The following CPS1 variants were observed in gnomAD, a reference collection of about 807,000 sequenced individuals.
CPS1 encodes carbamoyl-phosphate synthase [ammonia], mitochondrial.
A neutral mutation model predicts 174.6 loss-of-function variants in CPS1; 109 were observed. The ratio of observed to expected loss-of-function variants is 0.62; its 90% CI spans 0.53 to 0.73. CPS1 has a LOEUF of 0.73. Ranked by LOEUF, CPS1 falls within the 30% of genes least tolerant of loss-of-function variation. The pLI, the probability that CPS1 is intolerant of heterozygous loss-of-function variation, is 0.00. For synonymous variants in CPS1, 637 were observed against 632.0 expected (o/e 1.01, Z -0.12); for missense variants, 1,689 against 1,821.9 (o/e 0.93, Z 1.33).
At chr2:210,481,283 G>T (rs1163891664) in intron 1 of CPS1, among the ~76,000 whole-genome samples, 1 of 152,172 alleles carries the variant, frequency 6.6e-6, no homozygotes, top group East Asian at 1.9e-4. Flanking sequence ...AAAAAGAAAA[G>T]GAGACTTCCC....
At chr2:210,550,943 T>G (rs1425319661) in intron 1 of CPS1, among the ~76,000 whole-genome samples, 1 of 151,938 alleles carries the variant, frequency 6.6e-6, no homozygotes, top group Non-Finnish European at 1.5e-5. Flanking sequence ...TATTCAATAT[T>G]TAGCTTTTTA....
intron 37 of CPS1, 45 bp from the exon 38 acceptor site, chr2:210,677,842 C>A (rs1328133582): frequency 2.1e-6 from 3 of 1,427,138 alleles, no homozygotes; most frequent in South Asian, 2.3e-5. Context: ...TAAAAATTCA[C>A]TTTTATCTCA....
rs917721736 is a variant in CPS1, at chr2:210,672,456, T to C, written c.4102-2446T>C. ...TCCATATTAGGGGTATTTAACAACA[T>C]TTGGAAGTTCATTTTGGACATTTCA... On this transcript the variant is annotated intron_variant, in intron 34 of 37. Transcript: ENST00000233072. 5.3e-5 allele frequency: 8 copies of C among 152,170 alleles called. 1 individual carries two copies. The highest frequency in any genetic ancestry group is 1.9e-4 in the African/African-American group (8 of 41,442). The allele number at this position is 152,170 out of a possible 1,614,324, so 9.4% of individuals were successfully genotyped here. A position where few individuals can be genotyped will look rare whatever the true frequency, so the allele number is the denominator to read the frequency against.
At chr2:210,573,615 A>G (rs193140043) in intron 2 of CPS1, among the ~76,000 whole-genome samples, 1 of 152,198 alleles carries the variant, frequency 6.6e-6, no homozygotes, top group South Asian at 2.1e-4. Context: ...GAAAGACAAC[A>G]TGGGCACACT....
In CPS1 at chr2:210,526,641, A is replaced by C. The variant is rs145970919; in HGVS notation, c.4-30078A>C. Among the ~76,000 whole-genome samples, 179 of 151,970 alleles carry C rather than the reference A, an allele frequency of 1.2e-3. 2 individuals are homozygous for C. The East Asian group carries it at 0.028, about 24-fold the overall frequency. The stretch of plus-strand genomic sequence containing the variant: ...CTCACTTCCCTGCCACCCCTACCCC[A>C]CACACCCTGAAATCTATCACAAGAG... On this transcript the variant is annotated intron_variant, in intron 1 of 38. Coordinates refer to the CPS1 transcript ENST00000430249.
intron 1 of CPS1, among the ~76,000 whole-genome samples, chr2:210,543,757 T>C (rs1696491047): frequency 6.6e-6 from 1 of 152,268 alleles, no homozygotes; most frequent in Admixed American, 6.5e-5. Flanking sequence ...TGGGACCATG[T>C]CATTTCATTT....
At chr2:210,654,208 G>A in intron 29 of CPS1, 106 bp downstream of exon 29, 2 of 1,011,310 alleles carry the variant, frequency 2.0e-6, no homozygotes, top group South Asian at 2.7e-5. Flanking sequence ...TATAAAACAG[G>A]TCTCCAGTAA....
intron 1 of CPS1, among the ~76,000 whole-genome samples, chr2:210,541,685 G>T (rs1478208971): frequency 4.6e-5 from 7 of 152,106 alleles, no homozygotes; most frequent in Non-Finnish European, 1.0e-4. Flanking sequence ...ATTTAAACCA[G>T]TATTTCTGTG....
chr2:210,515,122 G>A (rs1302899915), intron 1 of CPS1, among the ~76,000 whole-genome samples: 1 of 151,300 alleles, frequency 6.6e-6, no homozygotes, highest in Non-Finnish European at 1.5e-5. Context: ...AGATTTTTGT[G>A]TCTATGTTGA....
intron 16 of CPS1, among the ~76,000 whole-genome samples, chr2:210,603,696 A>T (rs1442227504): frequency 1.3e-5 from 2 of 151,900 alleles, no homozygotes; most frequent in Non-Finnish European, 2.9e-5. Context: ...TTTTGGAATG[A>T]AATAGCTTTC....
intron 5 of CPS1, among the ~76,000 whole-genome samples, chr2:210,580,305 A>G (rs1310508550): frequency 6.6e-6 from 1 of 152,120 alleles, no homozygotes; most frequent in Admixed American, 6.6e-5. Context: ...TGTTGAGACC[A>G]TATCAATAAC....
chr2:210,550,021 G>A (rs1399790618), intron 1 of CPS1, among the ~76,000 whole-genome samples: 4 of 151,974 alleles, frequency 2.6e-5, no homozygotes, highest in Non-Finnish European at 5.9e-5. Flanking sequence ...TGCTATTTTA[G>A]GTAAGTCCAG....
rs1696926576 is a variant in CPS1 at position 210,556,780 on chromosome 2, C to A, written c.47C>A (p.Thr16Asn). ...TTCAAAGTGGTGAGGACACTGAAGA[C>A]TGGTTTTGGCTTTACCAATGTGACT... ...TAFKVVRTLK[T>N]GFGFTNVTAH... is the part of the protein sequence containing the mutation. Residue 16 changes from threonine to asparagine, a missense_variant, in exon 1 of 38, where the codon ACT becomes AAT. Physicochemically the swap from Thr to Asn is moderately conservative, Grantham distance 65. Transcript: ENST00000233072. 1 of 1,613,072 alleles carries A rather than the reference C, an allele frequency of 6.2e-7. No homozygotes were observed. The highest frequency in any genetic ancestry group is 1.1e-5 in the South Asian group (1 of 91,070).
chr2:210,613,833 C>T (rs898672354), intron 20 of CPS1, among the ~76,000 whole-genome samples: 3 of 151,830 alleles, frequency 2.0e-5, no homozygotes, highest in Admixed American at 6.6e-5. Flanking sequence ...GCAGGGGCTG[C>T]GTGTAAATTA....
At chr2:210,550,334 T>C (rs1205855271) in intron 1 of CPS1, among the ~76,000 whole-genome samples, 2 of 151,960 alleles carry the variant, frequency 1.3e-5, no homozygotes, top group Non-Finnish European at 2.9e-5. Flanking sequence ...CACTCTTTCC[T>C]GTTCATTCCA....
chr2:210,541,393 C>T (rs778449702), intron 1 of CPS1, among the ~76,000 whole-genome samples: 6 of 152,168 alleles, frequency 3.9e-5, no homozygotes, highest in Non-Finnish European at 7.3e-5. Context: ...CAGCCTGAGG[C>T]ACATCTCTGG....
intron 14 of CPS1, 56 bp from the exon 15 acceptor site, chr2:210,600,499 A>T: frequency 1.9e-6 from 3 of 1,563,414 alleles, no homozygotes; most frequent in South Asian, 1.1e-5. Context: ...GTTGTCTATT[A>T]AAAAAGGCAC....
intron 15 of CPS1, 89 bp downstream of exon 15, chr2:210,600,801 A>AC: frequency 3.0e-6 from 4 of 1,354,960 alleles, no homozygotes; most frequent in African/African-American, 1.4e-5. Flanking sequence ...ATAATAGTTA[A>AC]GATTATTATA....
chr2:210,675,779 G>T lies in CPS1; in HGVS notation c.4213G>T (p.Ala1405Ser). 2 of 1,611,336 alleles carry T rather than the reference G, an allele frequency of 1.2e-6. No homozygotes were observed. The change falls in exon 36 of 38, where the codon GCC becomes TCC. Residue 1405 changes from alanine (A) to serine (S), a missense_variant. Ala to Ser is a moderately conservative substitution (Grantham distance 99, BLOSUM62 1). Coordinates refer to ENST00000233072, the MANE Select transcript of CPS1 (RefSeq NM_001875.5). ...SDWLNANNVP[A>S]TPVAWPSQEG... ...CTGGCTCAACGCCAACAATGTCCCTGCCACCCCAGTGGCATGGCCGTCTCA... is the reference window on the plus strand; with the variant it reads ...CTGGCTCAACGCCAACAATGTCCCTTCCACCCCAGTGGCATGGCCGTCTCA...
Sources: allele counts gnomAD v4.1 joint callset (sites outside exome capture counted in the v4.1 genomes callset), GRCh38; gene constraint gnomAD v4.1.1; transcripts MANE v1.5; gene names NCBI Gene and HGNC (gene_info 2026-07-23, HGNC 2026-07-21).